SUPT20H: variants seen among roughly 807,000 people sequenced by gnomAD.
SUPT20H encodes transcription factor SPT20 homolog.
A neutral mutation model predicts 122.8 loss-of-function variants in SUPT20H; 82 were observed. The ratio of observed to expected loss-of-function variants is 0.67; its 90% CI spans 0.56 to 0.80. The LOEUF (loss-of-function observed/expected upper bound fraction) is 0.80. Ranked by LOEUF, SUPT20H falls within the 30% of genes least tolerant of loss-of-function variation. The probability of loss-of-function intolerance (pLI) is 0.00; values close to 1 mark genes in which losing one functional copy is unlikely to be tolerated. For missense variants in SUPT20H, 831 were observed against 921.6 expected, an observed-to-expected ratio of 0.90 and a Z score of 1.27; for synonymous variants, 291 against 313.0, an observed-to-expected ratio of 0.93 and a Z score of 0.74.
intron 3 of SUPT20H, 127 bp from the exon 4 acceptor site, chr13:37,048,063 G>C (rs2066856686): frequency 1.8e-6 from 1 of 561,120 alleles, no homozygotes; most frequent in Non-Finnish European, 2.8e-6. Context: ...ATTACATCTT[G>C]TAGGAAAAAC....
chr13:37,053,326 T>C (rs1487936579), intron 1 of SUPT20H, among the ~76,000 whole-genome samples: 2 of 151,674 alleles, frequency 1.3e-5, no homozygotes, highest in East Asian at 1.9e-4. Flanking sequence ...ATATACACCA[T>C]GGAATACTAT....
intron 14 of SUPT20H, among the ~76,000 whole-genome samples, chr13:37,027,560 T>G (rs1017627132): frequency 6.6e-6 from 1 of 152,148 alleles, no homozygotes; most frequent in Non-Finnish European, 1.5e-5. Flanking sequence ...CTGCTGAGCT[T>G]CTTTTTTGTT....
intron 12 of SUPT20H, among the ~76,000 whole-genome samples, chr13:37,031,226 T>C (rs1182102617): frequency 2.0e-5 from 3 of 152,050 alleles, no homozygotes; most frequent in Non-Finnish European, 4.4e-5. Context: ...GAAATTTTGA[T>C]GAAATATTAT....
At chr13:37,040,351 T>C (rs1047719253) in intron 9 of SUPT20H, 54 bp downstream of exon 9, 69 of 1,402,324 alleles carry the variant, frequency 4.9e-5, no homozygotes, top group Non-Finnish European at 6.4e-5. Context: ...TTAATGATAA[T>C]TTTTTTTCAT....
intron 2 of SUPT20H, 137 bp from the exon 3 acceptor site, chr13:37,048,736 G>C: frequency 1.6e-6 from 1 of 617,294 alleles, no homozygotes; most frequent in East Asian, 3.2e-5. Context: ...TCCACTCTAT[G>C]ATCAATATAT....
intron 23 of SUPT20H, among the ~76,000 whole-genome samples, chr13:37,014,872 C>A (rs1396286736): frequency 1.3e-5 from 2 of 152,124 alleles, no homozygotes; most frequent in Non-Finnish European, 2.9e-5. Context: ...ATGGAAAAAT[C>A]AATTCTGACA....
chr13:37,043,618 A>T (rs2065889601), intron 7 of SUPT20H, among the ~76,000 whole-genome samples: 1 of 152,070 alleles, frequency 6.6e-6, no homozygotes, highest in Non-Finnish European at 1.5e-5. Context: ...GCCCATTTCC[A>T]GATAGCTATA....
intron 20 of SUPT20H, 104 bp from the exon 21 acceptor site, chr13:37,021,706 G>T: frequency 2.4e-6 from 3 of 1,239,678 alleles, no homozygotes; most frequent in South Asian, 1.6e-5. Context: ...AACACAACTA[G>T]TTATTTATCT....
Position 37,028,304 on chromosome 13 carries a change from T to C in SUPT20H, c.995A>G (p.Asp332Gly). Residue 332 changes from aspartate (D) to glycine (G), a missense_variant and splice_region_variant, in exon 14 of 26, where the codon GAT (aspartate) becomes GGT (glycine). By Grantham distance (94) the Asp-to-Gly change is moderately conservative. Transcript: ENST00000350612. ...DSQPTVWPAH[D>G]VKDDYVFECE... ...TTCAAATACATAATCATCTTTTACATCCTGAAAAATGCATAGCACCTCAAA... is the reference window on the plus strand; with the variant it reads ...TTCAAATACATAATCATCTTTTACACCCTGAAAAATGCATAGCACCTCAAA... 6.2e-7 allele frequency: 1 copy of C among 1,603,780 alleles called. No individual in the cohort carries two copies. Among genetic ancestry groups the C allele is most frequent in the Non-Finnish European group, 8.5e-7 (1 of 1,176,720 alleles).
intron 1 of SUPT20H, chr13:37,056,941 C>A (rs763432573): frequency 6.6e-6 from 1 of 152,180 alleles, no homozygotes; most frequent in Non-Finnish European, 1.5e-5. Context: ...GCTCCCCAGA[C>A]GAGTCAAACG....
At chr13:37,010,776 T>A in intron 24 of SUPT20H, 121 bp from the exon 25 acceptor site, 1 of 664,778 alleles carries the variant, frequency 1.5e-6, no homozygotes, top group Non-Finnish European at 2.6e-6. Flanking sequence ...ATCTTAAGTA[T>A]CAAATCATAG....
chr13:37,046,477 C>T (rs1436921693), intron 5 of SUPT20H, among the ~76,000 whole-genome samples: 1 of 152,144 alleles, frequency 6.6e-6, no homozygotes, highest in Non-Finnish European at 1.5e-5. Flanking sequence ...ATAGTTTGTG[C>T]TGCAATACTC....
intron 22 of SUPT20H, among the ~76,000 whole-genome samples, chr13:37,019,010 T>G (rs543807182): frequency 7.9e-5 from 12 of 152,200 alleles, no homozygotes; most frequent in Non-Finnish European, 1.6e-4. Flanking sequence ...CATATATGTA[T>G]ACATAAAACA....
intron 17 of SUPT20H, 179 bp from the exon 18 acceptor site, chr13:37,024,621 G>T (rs2061905700): frequency 5.2e-6 from 2 of 386,310 alleles, no homozygotes; most frequent in African/African-American, 4.2e-5. Context: ...GTATTACAGA[G>T]AAAATTTCAC....
intron 1 of SUPT20H, among the ~76,000 whole-genome samples, chr13:37,052,471 A>G (rs2067955820): frequency 6.6e-6 from 1 of 152,196 alleles, no homozygotes; most frequent in East Asian, 1.9e-4. Flanking sequence ...GGCTAGCCAC[A>G]TGCAGAAAAC....
At position 37,024,367 on chromosome 13, in the gene SUPT20H, G is replaced by A. The variant is rs1161873157; in HGVS notation, c.1405C>T (p.Pro469Ser). The A allele has an allele frequency of 6.3e-7, 1 of 1,592,478 alleles. No individual in the cohort carries two copies. Among genetic ancestry groups the A allele is most frequent in the East Asian group, 2.2e-5 (1 of 44,474 alleles). Residue 469 changes from proline to serine, a missense_variant, in exon 18 of 26, where the codon CCC becomes TCC. Coordinates refer to ENST00000350612, the MANE Select transcript of SUPT20H (RefSeq NM_001014286.3). ...VKHRPPPIKL[P>S]SSSGNSSSGN... ...GAGGAACTATTTCCTGAGCTTGAGGGAAGTTTGATTGGTGGGGGTCGATGT... is the reference window on the plus strand; with the variant it reads ...GAGGAACTATTTCCTGAGCTTGAGGAAAGTTTGATTGGTGGGGGTCGATGT...
chr13:37,054,899 G>C (rs1234422911), intron 1 of SUPT20H, among the ~76,000 whole-genome samples: 2 of 152,218 alleles, frequency 1.3e-5, no homozygotes, highest in African/African-American at 2.4e-5. Flanking sequence ...TCCTTAAGCT[G>C]ATAGGCAACT....
intron 9 of SUPT20H, among the ~76,000 whole-genome samples, chr13:37,036,876 G>A (rs1282138524): frequency 6.6e-6 from 1 of 152,074 alleles, no homozygotes; most frequent in Non-Finnish European, 1.5e-5. Context: ...TAAGAATACA[G>A]AGCACAATAC....
chr13:37,049,434 T>C (rs117345461), intron 2 of SUPT20H, among the ~76,000 whole-genome samples: 12 of 152,174 alleles, frequency 7.9e-5, no homozygotes, highest in Non-Finnish European at 1.5e-4. Flanking sequence ...ATAAAAGTAC[T>C]AGGTTCTAAA....
Sources: allele counts gnomAD v4.1 joint callset (sites outside exome capture counted in the v4.1 genomes callset), GRCh38; gene constraint gnomAD v4.1.1; transcripts MANE v1.5; gene names NCBI Gene and HGNC (gene_info 2026-07-23, HGNC 2026-07-21).